NDFIP2: variants seen among roughly 807,000 people sequenced by gnomAD.
NDFIP2 encodes Nedd4 family interacting protein 2.
In NDFIP2, 19 loss-of-function variants were observed where a neutral mutation model predicts 36.0. The ratio of observed to expected loss-of-function variants is 0.53; its 90% confidence interval spans 0.37 to 0.77. NDFIP2 has a LOEUF of 0.77. NDFIP2 is among the 30% of genes least tolerant of loss of function. The pLI is 0.00. For synonymous variants in NDFIP2, 181 were observed against 167.7 expected, an observed-to-expected ratio of 1.08 and a Z score of -0.61; for missense variants, 446 against 435.8, an observed-to-expected ratio of 1.02 and a Z score of -0.21.
chr13:79,530,484 A>T (rs1874973551), intron 2 of NDFIP2, among the ~76,000 whole-genome samples: 1 of 152,206 alleles, frequency 6.6e-6, no homozygotes, highest in Non-Finnish European at 1.5e-5. Context: ...TCTTTGTTTT[A>T]CAAAAGAATT....
At chr13:79,490,507 G>A (rs1013237870) in intron 1 of NDFIP2, among the ~76,000 whole-genome samples, 2 of 152,084 alleles carry the variant, frequency 1.3e-5, no homozygotes, top group African/African-American at 4.8e-5. Flanking sequence ...GGGCTAGATA[G>A]TATTTTAGGC....
chr13:79,527,337 A>G (rs1273577620), intron 2 of NDFIP2, among the ~76,000 whole-genome samples: 1 of 152,246 alleles, frequency 6.6e-6, no homozygotes, highest in African/African-American at 2.4e-5. Context: ...ATAAAATGAC[A>G]TATATGATGT....
At chr13:79,496,672 T>TAA (rs71106100) in intron 1 of NDFIP2, among the ~76,000 whole-genome samples, 3 of 151,296 alleles carry the variant, frequency 2.0e-5, no homozygotes, top group Admixed American at 2.0e-4. Flanking sequence ...AAATTCCACA[T>TAA]AAAAAAAACT....
intron 1 of NDFIP2, among the ~76,000 whole-genome samples, chr13:79,510,195 G>A (rs1243765687): frequency 6.6e-6 from 1 of 152,036 alleles, no homozygotes; most frequent in Non-Finnish European, 1.5e-5. Flanking sequence ...TTTTTTAAGA[G>A]TGTACTTTTT....
At chr13:79,499,154 A>G (rs932852761) in intron 1 of NDFIP2, among the ~76,000 whole-genome samples, 3 of 152,096 alleles carry the variant, frequency 2.0e-5, no homozygotes, top group East Asian at 1.9e-4. Context: ...GAAAAATCAC[A>G]TGACGTATAA....
At chr13:79,504,195 G>A (rs1267210931) in intron 1 of NDFIP2, among the ~76,000 whole-genome samples, 6 of 152,046 alleles carry the variant, frequency 3.9e-5, no homozygotes, top group African/African-American at 1.5e-4. Context: ...TTACTATATA[G>A]CATTTTGCTT....
In NDFIP2 at chr13:79,535,303, C is replaced by G. The variant is rs145003338; in HGVS notation, c.621+1847C>G. ...ATCATTTACTGCCCTAACTTCCATA[C>G]AATAGGATAGAATTCTAAAGACAAG... On this transcript the variant is annotated intron_variant, in intron 3 of 7. Coordinates refer to ENST00000218652, the MANE Select transcript of NDFIP2 (RefSeq NM_019080.3). Among the ~76,000 whole-genome samples the G allele has an allele frequency of 6.6e-5, 10 of 152,194 alleles. No individual in the cohort carries two copies. In the East Asian group the frequency reaches 1.5e-3, roughly 23 times the overall value.
chr13:79,522,142 G>A (rs1874611590), intron 2 of NDFIP2, among the ~76,000 whole-genome samples: 1 of 151,990 alleles, frequency 6.6e-6, no homozygotes, highest in South Asian at 2.1e-4. Flanking sequence ...CCTTTTATTT[G>A]TATAAAATGT....
chr13:79,500,807 A>G (rs1284091467), intron 1 of NDFIP2, among the ~76,000 whole-genome samples: 1 of 152,030 alleles, frequency 6.6e-6, no homozygotes, highest in African/African-American at 2.4e-5. Flanking sequence ...TCCAGTAGTC[A>G]TGCTTCTTGA....
At chr13:79,516,693 G>T (rs1166863489) in intron 1 of NDFIP2, among the ~76,000 whole-genome samples, 1 of 151,878 alleles carries the variant, frequency 6.6e-6, no homozygotes, top group Non-Finnish European at 1.5e-5. Context: ...TCTTCCTGTA[G>T]GTCTAACCTA....
At chr13:79,550,848 G>A (rs1351407926) in intron 6 of NDFIP2, among the ~76,000 whole-genome samples, 169 bp from the exon 7 acceptor site, 1 of 151,464 alleles carries the variant, frequency 6.6e-6, no homozygotes, top group Non-Finnish European at 1.5e-5. Flanking sequence ...GTATTTCCTT[G>A]TGACAGAGTT....
At chr13:79,513,136 C>G (rs1182905600) in intron 1 of NDFIP2, among the ~76,000 whole-genome samples, 2 of 152,172 alleles carry the variant, frequency 1.3e-5, no homozygotes, top group Non-Finnish European at 2.9e-5. Flanking sequence ...GCCATGCTGG[C>G]TGGGTACCAA....
At chr13:79,535,925 A>G (rs1366165817) in intron 3 of NDFIP2, among the ~76,000 whole-genome samples, 4 of 152,174 alleles carry the variant, frequency 2.6e-5, no homozygotes, top group Admixed American at 2.6e-4. Flanking sequence ...TTAAAAATTG[A>G]AAAAAAGTCT....
chr13:79,502,478 A>G (rs992730624), intron 1 of NDFIP2, among the ~76,000 whole-genome samples: 1 of 152,162 alleles, frequency 6.6e-6, no homozygotes, highest in Non-Finnish European at 1.5e-5. Context: ...CTCTGGATTT[A>G]GTTTTAGATA....
intron 1 of NDFIP2, among the ~76,000 whole-genome samples, chr13:79,482,177 T>TTC (rs2079818847): frequency 8.5e-6 from 1 of 118,158 alleles, no homozygotes; most frequent in African/African-American, 2.8e-5. Context: ...TTCTTTTTTT[T>TTC]TTTTTTTTTT....
chr13:79,524,019 T>C (rs971183063), intron 2 of NDFIP2, among the ~76,000 whole-genome samples: 9 of 152,200 alleles, frequency 5.9e-5, no homozygotes, highest in African/African-American at 2.2e-4. Context: ...CTGTGCCCCA[T>C]TAAGGATCAT....
chr13:79,499,330 G>C (rs1317059774), intron 1 of NDFIP2, among the ~76,000 whole-genome samples: 1 of 151,936 alleles, frequency 6.6e-6, no homozygotes, highest in Non-Finnish European at 1.5e-5. Flanking sequence ...ACCAGGCAAG[G>C]ATGTCCTCTT....
intron 5 of NDFIP2, 96 bp downstream of exon 5, chr13:79,543,778 T>A (rs1875551249): frequency 6.9e-7 from 1 of 1,443,458 alleles, no homozygotes; most frequent in African/African-American, 1.4e-5. Context: ...TTTTCATGAA[T>A]TCAGTTATTT....
intron 4 of NDFIP2, among the ~76,000 whole-genome samples, chr13:79,542,523 C>T (rs553966836): frequency 5.8e-5 from 8 of 138,302 alleles, no homozygotes; most frequent in Admixed American, 6.9e-5. Flanking sequence ...TTTTTTTTTT[C>T]AGACATTCTA....
Sources: allele counts gnomAD v4.1 joint callset (sites outside exome capture counted in the v4.1 genomes callset), GRCh38; gene constraint gnomAD v4.1.1; transcripts MANE v1.5; gene names NCBI Gene and HGNC (gene_info 2026-07-23, HGNC 2026-07-21).